Variants in SVIL observed in about 807,000 individuals in gnomAD.
SVIL encodes supervillin, also known as archvillin.
In SVIL, 101 loss-of-function variants were observed where a neutral mutation model predicts 240.4. That is an observed-to-expected ratio of 0.42 (90% CI 0.36 to 0.50). SVIL has a LOEUF of 0.50. Ranked by LOEUF, SVIL falls within the 20% of genes least tolerant of loss-of-function variation. The pLI is 0.01. For missense variants in SVIL, 2,512 were observed against 2,818.7 expected (o/e 0.89, Z 2.46); for synonymous variants, 999 against 1,100.0 (o/e 0.91, Z 1.82).
chr10:29,632,225 C>T (rs761131076), intron 1 of SVIL, among the ~76,000 whole-genome samples: 20 of 152,136 alleles, frequency 1.3e-4, no homozygotes, highest in Admixed American at 1.3e-4. Context: ...TGTGGTGGCT[C>T]ATGCCTGTAA....
intron 1 of SVIL, among the ~76,000 whole-genome samples, chr10:29,692,303 G>T (rs1961568789): frequency 6.6e-6 from 1 of 152,140 alleles, no homozygotes; most frequent in African/African-American, 2.4e-5. Context: ...ACTCTCCCTG[G>T]TTCTGCTCAG....
chr10:29,561,309 AAGTTAC>A (rs1954449373), intron 3 of SVIL, among the ~76,000 whole-genome samples: 2 of 152,168 alleles, frequency 1.3e-5, no homozygotes, highest in South Asian at 4.1e-4. Flanking sequence ...ATTACAGATG[AAGTTAC>A]CATTTGTTGA....
chr10:29,499,910 C>T (rs964377941), intron 17 of SVIL, among the ~76,000 whole-genome samples: 1 of 152,214 alleles, frequency 6.6e-6, no homozygotes, highest in African/African-American at 2.4e-5. Context: ...AACCTACATG[C>T]ACGGTAACAT....
chr10:29,551,192 C>G lies in SVIL; in HGVS notation c.232G>C (p.Glu78Gln), dbSNP rs763699980. Residue 78 changes from glutamate (E) to glutamine (Q), a missense_variant, in exon 6 of 38, where the codon GAA (glutamate) becomes CAA (glutamine). Glu to Gln is a conservative substitution (Grantham distance 29, BLOSUM62 2). Transcript: ENST00000355867. The part of the protein sequence containing the change: ...EKQTRSKYCT[E>Q]TSGVHGDSPY... ...GAGTCACCGTGGACACCGGAGGTTT[C>G]TGTGCAGTATTTGGATCGAGTTTGC... 6.2e-7 allele frequency: 1 copy of G among 1,613,804 alleles called. No homozygotes were observed. The highest frequency in any genetic ancestry group is 1.7e-5 in the Admixed American group (1 of 59,932).
chr10:29,547,897 C>G (rs972941953), intron 6 of SVIL, among the ~76,000 whole-genome samples: 2 of 152,142 alleles, frequency 1.3e-5, no homozygotes, highest in Non-Finnish European at 2.9e-5. Flanking sequence ...CTTCATCCTA[C>G]TTGCAAAACA....
At chr10:29,639,556 C>A (rs1296305903), upstream of SVIL, among the ~76,000 whole-genome samples, 1 of 151,256 alleles carries the variant, frequency 6.6e-6, no homozygotes, top group Non-Finnish European at 1.5e-5. Flanking sequence ...GCAACCTTCA[C>A]CTCCCAAGTT....
chr10:29,490,134 C>A, intron 22 of SVIL, among the ~76,000 whole-genome samples: 1 of 152,100 alleles, frequency 6.6e-6, no homozygotes, highest in Non-Finnish European at 1.5e-5. Context: ...CGCCTCCATT[C>A]ATCGCCCCTG....
intron 3 of SVIL, among the ~76,000 whole-genome samples, chr10:29,653,741 G>T (rs1958914138): frequency 6.6e-6 from 1 of 152,112 alleles, no homozygotes; most frequent in Non-Finnish European, 1.5e-5. Context: ...TAGGAGTCCA[G>T]CTTTTCTTTG....
At chr10:29,648,815 G>GAA (rs112459712) in intron 3 of SVIL, among the ~76,000 whole-genome samples, 6,231 of 143,484 alleles carry the variant, frequency 0.043, 206 homozygotes, top group Admixed American at 0.099. Flanking sequence ...GGACAGCTGG[G>GAA]AAAAAAAAAA....
Position 29,715,769 on chromosome 10 carries a change from A to G in SVIL, c.-400+19982T>C, listed in dbSNP as rs137949394. ...TGAGTGCCATGGGACAAGGCAAGGAAGATGTAGTTGCTGGGCAAGAAAAGT... is the reference window on the plus strand; with the variant it reads ...TGAGTGCCATGGGACAAGGCAAGGAGGATGTAGTTGCTGGGCAAGAAAAGT... On this transcript the variant is annotated intron_variant, in intron 1 of 35. Transcript: ENST00000375400. 2.5e-3 allele frequency among the ~76,000 whole-genome samples: 374 copies of G among 152,326 alleles called. 2 individuals are homozygous for G. Among genetic ancestry groups the G allele is most frequent in the African/African-American group, 7.3e-3 (304 of 41,574 alleles).
intron 5 of SVIL, among the ~76,000 whole-genome samples, chr10:29,551,757 T>C (rs1158378085): frequency 6.8e-6 from 1 of 147,354 alleles, no homozygotes; most frequent in Non-Finnish European, 1.5e-5. Context: ...TCACCAGGCT[T>C]TTCTTTTTTA....
At chr10:29,465,457 T>G in intron 34 of SVIL, 138 bp downstream of exon 34, 1 of 1,060,600 alleles carries the variant, frequency 9.4e-7, no homozygotes, top group East Asian at 2.6e-5. Flanking sequence ...ATGAAAAGAG[T>G]GTAAGCACAT....
intron 10 of SVIL, 47 bp downstream of exon 10, chr10:29,531,207 T>C (rs1324658787): frequency 5.0e-6 from 8 of 1,594,690 alleles, no homozygotes; most frequent in Non-Finnish European, 6.9e-6. Flanking sequence ...TTAAATCCAG[T>C]CTAGATGAGA....
chr10:29,460,441 C>G (rs1056135882), intron 36 of SVIL, among the ~76,000 whole-genome samples: 19 of 152,176 alleles, frequency 1.2e-4, no homozygotes, highest in African/African-American at 4.6e-4. Flanking sequence ...AGTGAATACA[C>G]AGGGAGGATG....
chr10:29,479,424 C>G (rs7096194), intron 29 of SVIL, among the ~76,000 whole-genome samples: 67,402 of 152,016 alleles, frequency 0.44, 15,252 homozygotes, highest in South Asian at 0.59. Flanking sequence ...CCCTCAGCTA[C>G]AGGCAGAGTA....
intron 1 of SVIL, among the ~76,000 whole-genome samples, chr10:29,574,155 T>G (rs957645543): frequency 1.3e-5 from 2 of 152,208 alleles, no homozygotes; most frequent in African/African-American, 4.8e-5. Flanking sequence ...TCAGGGGCAA[T>G]GCTTTATGGA....
chr10:29,589,230 C>A (rs1221318963), intron 1 of SVIL, among the ~76,000 whole-genome samples: 1 of 152,148 alleles, frequency 6.6e-6, no homozygotes, highest in African/African-American at 2.4e-5. Flanking sequence ...TAAGTAACAC[C>A]AACCCCATGC....
At chr10:29,509,133 G>C (rs776837985) in intron 17 of SVIL, among the ~76,000 whole-genome samples, 1 of 152,180 alleles carries the variant, frequency 6.6e-6, no homozygotes, top group East Asian at 1.9e-4. Flanking sequence ...AAACCACACC[G>C]TGCAGACCAG....
At chr10:29,704,234 A>C (rs1306140394) in intron 1 of SVIL, among the ~76,000 whole-genome samples, 1 of 152,050 alleles carries the variant, frequency 6.6e-6, no homozygotes, top group Admixed American at 6.6e-5. Flanking sequence ...GTGCTTTCTC[A>C]TAAGTTTTCC....
Sources: gnomAD v4.1 joint callset for allele counts (sites outside exome capture counted in the v4.1 genomes callset) on GRCh38, gnomAD v4.1.1 for gene constraint, MANE v1.5 for transcripts, NCBI Gene and HGNC (gene_info 2026-07-23, HGNC 2026-07-21) for gene names.